The following NAV3 variants were observed in gnomAD, a reference collection of about 807,000 sequenced individuals.
NAV3 encodes neuron navigator 3, also known as pore membrane and/or filament interacting like protein 1.
Under a neutral mutation model 244.7 loss-of-function variants are expected in NAV3, and 87 were observed. The ratio of observed to expected loss-of-function variants is 0.36; its 90% CI spans 0.30 to 0.42. NAV3 has a LOEUF of 0.42. NAV3 is among the 20% of genes least tolerant of loss of function. The pLI is 1.00. For synonymous variants in NAV3, 1,126 were observed against 1,042.2 expected, an observed-to-expected ratio of 1.08 and a Z score of -1.55; for missense variants, 2,663 against 2,893.3, an observed-to-expected ratio of 0.92 and a Z score of 1.83.
rs1407892368 is a variant in NAV3 at position 77,640,641 on chromosome 12, A to G, written c.72+68375A>G. On this transcript the variant is annotated intron_variant, in intron 2 of 8. Transcript: ENST00000550042. ...AGAATCTAAAATACAGCATGAATACATAAGTTAATAATACTGTATACTGAA... is the reference window on the plus strand; with the variant it reads ...AGAATCTAAAATACAGCATGAATACGTAAGTTAATAATACTGTATACTGAA... 5.3e-5 allele frequency among the ~76,000 whole-genome samples: 8 copies of G among 152,194 alleles called. No homozygotes were observed. The East Asian group carries it at 1.3e-3, about 26-fold the overall frequency.
At chr12:78,204,558 C>T (rs942348205) in intron 38 of NAV3, among the ~76,000 whole-genome samples, 2 of 152,024 alleles carry the variant, frequency 1.3e-5, no homozygotes, top group Non-Finnish European at 2.9e-5. Flanking sequence ...TACTTAATAT[C>T]AAGCATATTT....
intron 9 of NAV3, among the ~76,000 whole-genome samples, chr12:78,042,107 T>C (rs1321563273): frequency 6.6e-6 from 1 of 152,186 alleles, no homozygotes; most frequent in East Asian, 1.9e-4. Context: ...TCATTAGACA[T>C]CCTCTTCAGT....
chr12:77,960,446 TATATAC>T (rs1891784940), intron 3 of NAV3, among the ~76,000 whole-genome samples: 1 of 63,788 alleles, frequency 1.6e-5, no homozygotes, highest in African/African-American at 6.1e-5. Context: ...CATATATATA[TATATAC>T]ACACACACAC....
chr12:77,895,242 A>C (rs1459924385), intron 1 of NAV3, among the ~76,000 whole-genome samples: 1 of 152,146 alleles, frequency 6.6e-6, no homozygotes, highest in Non-Finnish European at 1.5e-5. Context: ...GGAAGATAGA[A>C]GGTCAACAGA....
intron 5 of NAV3, among the ~76,000 whole-genome samples, chr12:77,977,424 A>C (rs1565980236): frequency 2.0e-5 from 3 of 152,134 alleles, no homozygotes; most frequent in African/African-American, 2.4e-5. Context: ...ATATAATGGA[A>C]TAACATCTTT....
At chr12:78,183,701 G>A (rs188671873) in intron 30 of NAV3, among the ~76,000 whole-genome samples, 114 of 151,984 alleles carry the variant, frequency 7.5e-4, no homozygotes, top group African/African-American at 2.5e-3. Context: ...GTAGTTTTTA[G>A]AAGTAAATAT....
At chr12:77,596,900 A>G (rs1037498911) in intron 2 of NAV3, among the ~76,000 whole-genome samples, 13 of 152,064 alleles carry the variant, frequency 8.5e-5, no homozygotes, top group Admixed American at 3.9e-4. Context: ...GTAAATTGGT[A>G]TGGTGGAGAG....
At chr12:77,671,403 A>G (rs1158342489) in intron 2 of NAV3, among the ~76,000 whole-genome samples, 1 of 152,082 alleles carries the variant, frequency 6.6e-6, no homozygotes, top group Non-Finnish European at 1.5e-5. Context: ...AAGAAACTAG[A>G]AAAAAATGAT....
chr12:77,842,432 T>C (rs1402938856), intron 1 of NAV3, among the ~76,000 whole-genome samples: 2 of 151,968 alleles, frequency 1.3e-5, no homozygotes, highest in Non-Finnish European at 2.9e-5. Context: ...ATTTTCTTGC[T>C]GGACCTGGAA....
chr12:77,771,009 G>A (rs980335494), intron 2 of NAV3, among the ~76,000 whole-genome samples: 22 of 152,142 alleles, frequency 1.4e-4, no homozygotes, highest in African/African-American at 5.1e-4. Flanking sequence ...TTCACAACCT[G>A]CTCATCTGAC....
intron 2 of NAV3, among the ~76,000 whole-genome samples, chr12:77,768,576 G>A (rs570874998): frequency 6.6e-6 from 1 of 152,356 alleles, no homozygotes; most frequent in Admixed American, 6.5e-5. Flanking sequence ...ACCTGGGCTT[G>A]GCCTCAACTT....
intron 1 of NAV3, among the ~76,000 whole-genome samples, chr12:77,844,642 G>A (rs1876308042): frequency 6.6e-6 from 1 of 151,872 alleles, no homozygotes; most frequent in Non-Finnish European, 1.5e-5. Flanking sequence ...ATTCTATATG[G>A]ACTTGTTTTA....
intron 9 of NAV3, among the ~76,000 whole-genome samples, chr12:78,048,981 G>A (rs1882300151): frequency 6.6e-6 from 1 of 152,200 alleles, no homozygotes; most frequent in African/African-American, 2.4e-5. Context: ...AGTGGGCTCT[G>A]CCCAGTCCAA....
At chr12:78,098,211 A>G (rs566692069) in intron 12 of NAV3, among the ~76,000 whole-genome samples, 4 of 152,206 alleles carry the variant, frequency 2.6e-5, no homozygotes, top group African/African-American at 9.6e-5. Flanking sequence ...CTTTAGAAAC[A>G]CAGCTAAGTT....
At chr12:77,940,269 C>A in intron 1 of NAV3, 50 bp from the exon 2 acceptor site, 1 of 1,301,464 alleles carries the variant, frequency 7.7e-7, no homozygotes, top group Non-Finnish European at 1.1e-6. Flanking sequence ...ATTTTATTGT[C>A]TCTGTTTTCC....
chr12:77,828,887 C>G (rs1414613650), upstream of NAV3, among the ~76,000 whole-genome samples: 1 of 152,054 alleles, frequency 6.6e-6, no homozygotes, highest in South Asian at 2.1e-4. Context: ...TTCCAAAATA[C>G]CAATGAGCTC....
intron 1 of NAV3, among the ~76,000 whole-genome samples, chr12:77,920,075 T>A (rs983353583): frequency 6.6e-6 from 1 of 152,046 alleles, no homozygotes; most frequent in Non-Finnish European, 1.5e-5. Context: ...CTCTAGAGAT[T>A]GTTAAGTTTG....
At chr12:77,946,431 A>G (rs1256095570) in intron 3 of NAV3, among the ~76,000 whole-genome samples, 1 of 152,032 alleles carries the variant, frequency 6.6e-6, no homozygotes, top group Admixed American at 6.6e-5. Flanking sequence ...TATTAATATA[A>G]TTACTGAGAT....
At chr12:78,004,894 A>G (rs1873934159) in intron 7 of NAV3, among the ~76,000 whole-genome samples, 1 of 152,146 alleles carries the variant, frequency 6.6e-6, no homozygotes, top group East Asian at 1.9e-4. Flanking sequence ...TGTGGGTTGG[A>G]TGTGGATGTC....
Sources: allele counts gnomAD v4.1 joint callset (sites outside exome capture counted in the v4.1 genomes callset), GRCh38; gene constraint gnomAD v4.1.1; transcripts MANE v1.5; gene names NCBI Gene and HGNC (gene_info 2026-07-23, HGNC 2026-07-21).